Variants in PHYH observed in about 807,000 individuals in gnomAD.
PHYH encodes the protein phytanoyl-CoA dioxygenase, peroxisomal.
Under a neutral mutation model 38.5 loss-of-function variants are expected in PHYH, and 32 were observed. That is an observed-to-expected ratio of 0.83 (90% CI 0.63 to 1.12). The LOEUF (loss-of-function observed/expected upper bound fraction) is 1.12, where lower values mean the gene tolerates loss of function less well. Among genes scored for constraint, PHYH ranks in the 50% most tolerant of loss-of-function variants. The probability of loss-of-function intolerance (pLI) is 0.00; values close to 1 mark genes in which losing one functional copy is unlikely to be tolerated. For missense variants in PHYH, 426 were observed against 434.8 expected (o/e 0.98, Z 0.18); for synonymous variants, 166 against 157.9 (o/e 1.05, Z -0.38).
chr10:13,298,718 C>CTACTACTACTACTACTACTACTACT (rs1554785619), intron 1 of PHYH, among the ~76,000 whole-genome samples: 1 of 93,436 alleles, frequency 1.1e-5, no homozygotes, highest in African/African-American at 3.8e-5. Flanking sequence ...AAACTACCAC[C>CTACTACTACTACTACTACTACTACT]ACTACTACTA....
intron 7 of PHYH, among the ~76,000 whole-genome samples, chr10:13,283,336 A>G (rs1013137581): frequency 6.6e-6 from 1 of 151,612 alleles, no homozygotes; most frequent in Non-Finnish European, 1.5e-5. Context: ...TCACTGTGTT[A>G]GCCAGGATAG....
At chr10:13,278,454 A>G (rs1190817081) in intron 8 of PHYH, 100 bp from the exon 9 acceptor site, 8 of 837,652 alleles carry the variant, frequency 9.6e-6, no homozygotes, top group Admixed American at 1.8e-5. Context: ...TCTAGCTTCT[A>G]TGAAAGGTTA....
At chr10:13,293,920 C>T (rs7067975) in intron 4 of PHYH, among the ~76,000 whole-genome samples, 106,069 of 151,846 alleles carry the variant, frequency 0.7, 37,983 homozygotes, top group East Asian at 0.89. Context: ...ATGTAGGACA[C>T]TGGCCAGGCG....
chr10:13,295,247 T>C (rs1195156866), intron 3 of PHYH: 6 of 471,052 alleles, frequency 1.3e-5, no homozygotes, highest in African/African-American at 2.0e-5. Context: ...GAGGATTGCT[T>C]GAGCCCAGGA....
chr10:13,294,842 G>A (rs1215618209), intron 3 of PHYH: 4 of 514,432 alleles, frequency 7.8e-6, no homozygotes, highest in Non-Finnish European at 1.4e-5. Context: ...TGGTTACATT[G>A]TAATAATAAT....
chr10:13,290,338 C>G (rs967945914), intron 5 of PHYH, among the ~76,000 whole-genome samples: 1 of 151,822 alleles, frequency 6.6e-6, no homozygotes, highest in Non-Finnish European at 1.5e-5. Flanking sequence ...GGTCCTCACC[C>G]CCCACAACTA....
At chr10:13,297,249 A>C (rs1179155628) in intron 2 of PHYH, among the ~76,000 whole-genome samples, 1 of 152,180 alleles carries the variant, frequency 6.6e-6, no homozygotes, top group Non-Finnish European at 1.5e-5. Flanking sequence ...CAGTTGATGC[A>C]TTCCAAGAAG....
At chr10:13,298,045 C>T in intron 2 of PHYH, 142 bp downstream of exon 2, 1 of 608,912 alleles carries the variant, frequency 1.6e-6, no homozygotes, top group Non-Finnish European at 2.9e-6. Context: ...CACAAGTGCA[C>T]TAATTAGAAT....
At chr10:13,290,407 G>T (rs1266372034) in intron 5 of PHYH, among the ~76,000 whole-genome samples, 1 of 152,160 alleles carries the variant, frequency 6.6e-6, no homozygotes, top group Non-Finnish European at 1.5e-5. Context: ...CCCCTGGTTT[G>T]CTCCCTGAGT....
Position 13,290,115 on chromosome 10 carries a change from C to CAA in PHYH, c.497-1576_497-1575dup, listed in dbSNP as rs1172422242. The stretch of plus-strand genomic sequence containing the variant: ...GAAACCCTGTCTCTACTAAAAATAC[C>CAA]AAAAAAAAAAAAAAAAAAAAAAAAA... On this transcript the variant is annotated intron_variant, in intron 5 of 8. Coordinates refer to ENST00000263038, the MANE Select transcript of PHYH (RefSeq NM_006214.4). 3.0e-4 allele frequency among the ~76,000 whole-genome samples: 10 copies of CAA among 33,388 alleles called. No individual in the cohort carries two copies. The East Asian group carries it at 4.8e-3, about 16-fold the overall frequency. The allele number at this position is 33,388 out of a possible 152,430, so 21.9% of individuals were successfully genotyped here.
rs886046831 is a variant in PHYH, at chr10:13,295,565, T to G, written c.176A>C (p.Lys59Thr). ...TAGAAACCCATTTTCTTCATAAAAT[T>G]TTCTCTGTTCCAGGGTTAGAACGTT... is the stretch of plus-strand genomic sequence containing the variant. ...DNNVLTLEQRKFYEENGFLVI... is the reference protein window; with the variant it reads ...DNNVLTLEQRTFYEENGFLVI... Residue 59 changes from lysine to threonine, a missense_variant, in exon 3 of 9, where the codon AAA becomes ACA. Transcript: ENST00000263038. 1 of 1,542,296 alleles carries G rather than the reference T, an allele frequency of 6.5e-7. No homozygotes were observed. Among genetic ancestry groups the G allele is most frequent in the Non-Finnish European group, 9.0e-7 (1 of 1,114,470 alleles).
chr10:13,298,967 CAACAAT>C (rs1832664492), intron 1 of PHYH, among the ~76,000 whole-genome samples: 7 of 61,306 alleles, frequency 1.1e-4, no homozygotes, highest in East Asian at 1.9e-3. Context: ...ATAATAATAA[CAACAAT>C]AACAACAACA....
chr10:13,288,400 T>C lies in PHYH; in HGVS notation c.638A>G (p.His213Arg), dbSNP rs758554958. Residue 213 changes from histidine to arginine, a missense_variant, in exon 6 of 9, where the codon CAC becomes CGC. Physicochemically the swap from His to Arg is conservative, Grantham distance 29. Transcript: ENST00000263038. ...ATCGTGGGGCTTCAGGGAGCCCTTG[T>C]GTGTGCCTGGGAGCACAACCAGACA... ...NGCLVVLPGT[H>R]KGSLKPHDYP... 1 of 1,614,142 alleles carries C rather than the reference T, an allele frequency of 6.2e-7. No individual in the cohort carries two copies. Among genetic ancestry groups the C allele is most frequent in the South Asian group, 1.1e-5 (1 of 91,084 alleles).
Position 13,288,590 on chromosome 10 carries a change from G to A in PHYH, c.497-49C>T. ...AGGATACTCGAGGCCGAGTGCAGTG[G>A]CTCACGCCTGTAACCCCAGCACTTT... On this transcript the variant is annotated intron_variant, in intron 5 of 8. Transcript: ENST00000263038. The A allele has an allele frequency of 2.6e-6, 4 of 1,563,032 alleles. 1 individual carries two copies. The Middle Eastern group carries it at 6.2e-4, about 243-fold the overall frequency.
At chr10:13,299,678 A>T in intron 1 of PHYH, 4 of 1,236,374 alleles carry the variant, frequency 3.2e-6, no homozygotes, top group Non-Finnish European at 4.0e-6. Context: ...CGGTGAAACG[A>T]CGTCTCCACA....
intron 1 of PHYH, 105 bp from the exon 2 acceptor site, chr10:13,298,350 T>C (rs1379659265): frequency 1.4e-6 from 1 of 698,610 alleles, no homozygotes; most frequent in Non-Finnish European, 2.6e-6. Flanking sequence ...GAGGATTACT[T>C]GAGCTCAGGA....
chr10:13,281,146 C>T (rs376233040), intron 7 of PHYH, 36 bp from the exon 8 acceptor site: 2 of 1,611,600 alleles, frequency 1.2e-6, no homozygotes, highest in African/African-American at 2.7e-5. Context: ...TGGAGAAAAA[C>T]ATCCCATGAA....
At chr10:13,299,747 C>T in intron 1 of PHYH, 2 of 1,309,064 alleles carry the variant, frequency 1.5e-6, no homozygotes, top group Non-Finnish European at 1.9e-6. Context: ...GCAATTGCCC[C>T]GACCCCAGGG....
rs1383378056 is a variant in PHYH, at chr10:13,294,578, G to A, written c.264C>T (p.Ile88=). 6.2e-7 allele frequency: 1 copy of A among 1,614,056 alleles called. No homozygotes were observed. Among genetic ancestry groups the A allele is most frequent in the Non-Finnish European group, 8.5e-7 (1 of 1,179,956 alleles). Reference sequence around the variant, plus strand: ...CTAATGGTTTCACCTCCTTTCTGCAGATTTTTTCAAACTCATTCCTAGAAA... The same window carrying A: ...CTAATGGTTTCACCTCCTTTCTGCAAATTTTTTCAAACTCATTCCTAGAAA... ...IQRFRNEFEK[I]CRKEVKPLGL... Residue 88 remains isoleucine (I), a synonymous_variant, in exon 4 of 9, where the codon ATC becomes ATT. Coordinates refer to ENST00000263038, the MANE Select transcript of PHYH (RefSeq NM_006214.4).
Sources: allele counts gnomAD v4.1 joint callset (sites outside exome capture counted in the v4.1 genomes callset), GRCh38; gene constraint gnomAD v4.1.1; transcripts MANE v1.5; gene names NCBI Gene and HGNC (gene_info 2026-07-23, HGNC 2026-07-21).